AGBL4: variants seen among roughly 807,000 people sequenced by gnomAD.
AGBL4 encodes the protein AGBL carboxypeptidase 4.
In AGBL4, 58 loss-of-function variants were observed where a neutral mutation model predicts 66.4. The ratio of observed to expected loss-of-function variants is 0.87; its 90% CI spans 0.71 to 1.09. The LOEUF is 1.09. Among genes scored for constraint, AGBL4 ranks in the 50% least tolerant of loss-of-function variants. The pLI is 0.00. For synonymous variants in AGBL4, 234 were observed against 222.9 expected (o/e 1.05, Z -0.44); for missense variants, 579 against 631.0 (o/e 0.92, Z 0.88).
intron 4 of AGBL4, among the ~76,000 whole-genome samples, chr1:49,195,961 A>C (rs1389557822): frequency 6.6e-6 from 1 of 152,068 alleles, no homozygotes; most frequent in Non-Finnish European, 1.5e-5. Context: ...TGGTTTCATA[A>C]GGGGCTTTTC....
chr1:48,649,212 G>C (rs1020926459), intron 8 of AGBL4, among the ~76,000 whole-genome samples: 8 of 152,212 alleles, frequency 5.3e-5, no homozygotes, highest in African/African-American at 1.9e-4. Flanking sequence ...ATTAGGGCAA[G>C]AGCCATAAAG....
chr1:48,867,476 A>T (rs1357658665), intron 5 of AGBL4, among the ~76,000 whole-genome samples: 1 of 152,096 alleles, frequency 6.6e-6, no homozygotes, highest in African/African-American at 2.4e-5. Context: ...CAGACAAATT[A>T]TACCATACTT....
intron 5 of AGBL4, among the ~76,000 whole-genome samples, chr1:48,957,960 C>T (rs958967469): frequency 2.0e-5 from 3 of 152,176 alleles, no homozygotes; most frequent in African/African-American, 7.2e-5. Context: ...TAACAGTCCA[C>T]AGTCTGACCC....
At chr1:49,857,583 C>A (rs1488079339) in intron 1 of AGBL4, among the ~76,000 whole-genome samples, 2 of 151,998 alleles carry the variant, frequency 1.3e-5, no homozygotes, top group African/African-American at 4.8e-5. Context: ...TATTTACAGA[C>A]AAATAATTTT....
intron 5 of AGBL4, among the ~76,000 whole-genome samples, chr1:48,892,431 A>G (rs1426614816): frequency 2.6e-5 from 4 of 152,198 alleles, no homozygotes; most frequent in Non-Finnish European, 4.4e-5. Context: ...TGCCTGTAAC[A>G]CAGCCACAGG....
intron 3 of AGBL4, among the ~76,000 whole-genome samples, chr1:49,426,578 T>C (rs1645664495): frequency 6.6e-6 from 1 of 152,232 alleles, no homozygotes; most frequent in Non-Finnish European, 1.5e-5. Flanking sequence ...GCAAAGTAAT[T>C]TACTTTCATA....
chr1:48,575,747 G>T (rs770883454), intron 11 of AGBL4, among the ~76,000 whole-genome samples: 22 of 152,168 alleles, frequency 1.4e-4, no homozygotes, highest in Admixed American at 6.5e-4. Context: ...CTCAAGGTTA[G>T]GTTAGATGCT....
At chr1:48,944,455 A>T (rs1656286867) in intron 5 of AGBL4, among the ~76,000 whole-genome samples, 2 of 152,108 alleles carry the variant, frequency 1.3e-5, no homozygotes, top group Admixed American at 1.3e-4. Context: ...AGCACCATAG[A>T]CTGTCAGAGG....
chr1:48,533,036 TCAAA>T lies in AGBL4; in HGVS notation c.*1133_*1136del, dbSNP rs886952776. 2.0e-5 allele frequency: 3 copies of T among 150,914 alleles called. No homozygotes were observed. The highest frequency in any genetic ancestry group is 6.6e-5 in the Admixed American group (1 of 15,140). The allele number at this position is 150,914 out of a possible 1,614,324, so 9.3% of individuals were successfully genotyped here. ...GTAGCAAACTTCAATAATCTCCAAC[TCAAA>T]CAAACAAACAAACAAACAAACAAAC... is the stretch of plus-strand genomic sequence containing the variant. On this transcript the variant is annotated 3_prime_UTR_variant, in exon 14 of 14. Coordinates refer to ENST00000371839, the MANE Select transcript of AGBL4 (RefSeq NM_032785.4).
intron 6 of AGBL4, among the ~76,000 whole-genome samples, chr1:48,687,236 G>A (rs1327892090): frequency 2.0e-5 from 3 of 151,992 alleles, no homozygotes; most frequent in Non-Finnish European, 4.4e-5. Context: ...AAGAGGAGGG[G>A]GCAAAGAGAA....
intron 3 of AGBL4, among the ~76,000 whole-genome samples, chr1:49,434,708 CTGGTGGTGGTGG>C (rs886754094): frequency 1.4e-5 from 2 of 143,718 alleles, no homozygotes; most frequent in Non-Finnish European, 3.1e-5. Context: ...GGTGGTGGTG[CTGGTGGTGGTGG>C]TGGTGGTGGT....
At chr1:49,469,585 T>C (rs1646699934) in intron 3 of AGBL4, among the ~76,000 whole-genome samples, 1 of 151,960 alleles carries the variant, frequency 6.6e-6, no homozygotes, top group African/African-American at 2.4e-5. Flanking sequence ...ATACCAAAGA[T>C]GACCAAACTC....
At chr1:49,759,660 T>C (rs1243878695) in intron 2 of AGBL4, among the ~76,000 whole-genome samples, 4 of 152,220 alleles carry the variant, frequency 2.6e-5, no homozygotes, top group African/African-American at 4.8e-5. Context: ...GTAGTATCTT[T>C]GCAGTTTCTC....
At chr1:48,567,101 A>C (rs920309524) in intron 11 of AGBL4, among the ~76,000 whole-genome samples, 1 of 152,190 alleles carries the variant, frequency 6.6e-6, no homozygotes, top group Non-Finnish European at 1.5e-5. Flanking sequence ...TACCTTCATC[A>C]GGTCATTTTA....
intron 3 of AGBL4, chr1:49,374,403 C>T (rs922348575): frequency 6.6e-6 from 1 of 151,932 alleles, no homozygotes; most frequent in Admixed American, 6.6e-5. Flanking sequence ...GCTTTCTCCA[C>T]CAACTTGGCT....
At position 49,777,500 on chromosome 1, in the gene AGBL4, C is replaced by A. The variant is rs76257442; in HGVS notation, c.157+73896G>T. Among the ~76,000 whole-genome samples the A allele has an allele frequency of 5.7e-3, 870 of 152,270 alleles. 11 individuals are homozygous for A. The highest frequency in any genetic ancestry group is 0.02 in the African/African-American group (830 of 41,550). On this transcript the variant is annotated intron_variant, in intron 2 of 13. Coordinates refer to ENST00000371839, the MANE Select transcript of AGBL4 (RefSeq NM_032785.4). The stretch of plus-strand genomic sequence containing the variant: ...TCTTTTGCTCAAGTCAGTATCATGT[C>A]AGTGGCATACAACTAAAAAATACAA...
intron 5 of AGBL4, among the ~76,000 whole-genome samples, chr1:49,008,785 CA>C (rs1662095921): frequency 6.7e-6 from 1 of 148,792 alleles, no homozygotes; most frequent in Non-Finnish European, 1.5e-5. Context: ...CTACTGGGTA[CA>C]TAACGAAATG....
At chr1:49,286,429 T>C (rs1028194011) in intron 3 of AGBL4, among the ~76,000 whole-genome samples, 31 of 152,090 alleles carry the variant, frequency 2.0e-4, no homozygotes, top group Admixed American at 1.5e-3. Context: ...ATTGTCCCTG[T>C]TTGCAGATGA....
intron 1 of AGBL4, among the ~76,000 whole-genome samples, chr1:49,861,840 G>T (rs905129648): frequency 6.6e-6 from 1 of 152,174 alleles, no homozygotes; most frequent in African/African-American, 2.4e-5. Flanking sequence ...TGGGCTTGGG[G>T]TGCCCCCTAA....
Sources: allele counts gnomAD v4.1 joint callset (sites outside exome capture counted in the v4.1 genomes callset), GRCh38; gene constraint gnomAD v4.1.1; transcripts MANE v1.5; gene names NCBI Gene and HGNC (gene_info 2026-07-23, HGNC 2026-07-21).